PLCXD3: variants seen among roughly 807,000 people sequenced by gnomAD.
PLCXD3 encodes the protein PI-PLC X domain-containing protein 3.
A neutral mutation model predicts 25.5 loss-of-function variants in PLCXD3; 19 were observed. The observed-to-expected ratio is 0.75, with a 90% CI of 0.52 to 1.09. PLCXD3 has a LOEUF of 1.09. Among genes scored for constraint, PLCXD3 ranks in the 50% least tolerant of loss-of-function variants. The pLI is 0.00. For missense variants in PLCXD3, 411 were observed against 388.1 expected (o/e 1.06, Z -0.50); for synonymous variants, 174 against 137.6 (o/e 1.26, Z -1.85).
At chr5:41,447,765 A>G (rs1055803225) in intron 1 of PLCXD3, among the ~76,000 whole-genome samples, 6 of 152,200 alleles carry the variant, frequency 3.9e-5, no homozygotes, top group African/African-American at 1.4e-4. Flanking sequence ...TAAAGTTACA[A>G]TTTCTTCCTG....
chr5:41,406,683 G>A (rs1746361104), intron 1 of PLCXD3, among the ~76,000 whole-genome samples: 1 of 151,960 alleles, frequency 6.6e-6, no homozygotes, highest in South Asian at 2.1e-4. Context: ...CTTCCTGTGG[G>A]GGCCACTGAA....
chr5:41,463,472 T>A (rs572416747), intron 1 of PLCXD3, among the ~76,000 whole-genome samples: 4 of 152,098 alleles, frequency 2.6e-5, no homozygotes, highest in African/African-American at 9.6e-5. Flanking sequence ...TTTACTACCA[T>A]CACATTGAGT....
At chr5:41,504,843 C>T (rs1387682089) in intron 1 of PLCXD3, among the ~76,000 whole-genome samples, 1 of 152,136 alleles carries the variant, frequency 6.6e-6, no homozygotes, top group Non-Finnish European at 1.5e-5. Flanking sequence ...AGAATCCATC[C>T]AGATTTTTAG....
chr5:41,361,675 G>A (rs1203412761), intron 2 of PLCXD3, among the ~76,000 whole-genome samples: 1 of 152,154 alleles, frequency 6.6e-6, no homozygotes, highest in Non-Finnish European at 1.5e-5. Context: ...ATAAAAGGAT[G>A]AATAAATGAA....
At chr5:41,496,284 G>A (rs1161989222) in intron 1 of PLCXD3, among the ~76,000 whole-genome samples, 1 of 151,760 alleles carries the variant, frequency 6.6e-6, no homozygotes, top group Non-Finnish European at 1.5e-5. Context: ...GAGAAACAAA[G>A]GGGAAAGAAA....
intron 1 of PLCXD3, among the ~76,000 whole-genome samples, chr5:41,403,401 G>GTTTGTTTGTTTTTTTTTT (rs1554047951): frequency 1.1e-4 from 2 of 18,412 alleles, no homozygotes. Context: ...CTTATTTGTT[G>GTTTGTTTGTTTTTTTTTT]TTTTTTTTTT....
chr5:41,473,116 T>C (rs1264919033), intron 1 of PLCXD3, among the ~76,000 whole-genome samples: 1 of 152,166 alleles, frequency 6.6e-6, no homozygotes, highest in African/African-American at 2.4e-5. Flanking sequence ...TAAAGAAATA[T>C]TCTTGGTGGT....
chr5:41,427,279 C>T (rs960105840), intron 1 of PLCXD3, among the ~76,000 whole-genome samples: 3 of 152,134 alleles, frequency 2.0e-5, no homozygotes, highest in African/African-American at 7.2e-5. Flanking sequence ...TGTATTCCAT[C>T]CCTTTCCCTC....
At chr5:41,486,929 A>G (rs1205798619) in intron 1 of PLCXD3, among the ~76,000 whole-genome samples, 2 of 152,164 alleles carry the variant, frequency 1.3e-5, no homozygotes, top group Non-Finnish European at 2.9e-5. Flanking sequence ...TGACCATGGC[A>G]TGAATCCCCC....
intron 1 of PLCXD3, among the ~76,000 whole-genome samples, chr5:41,508,767 T>C (rs1233200405): frequency 6.6e-6 from 1 of 152,216 alleles, no homozygotes; most frequent in Admixed American, 6.5e-5. Context: ...GGAAACCATG[T>C]GAAAGAAGCT....
chr5:41,463,947 C>T (rs1747951963), intron 1 of PLCXD3, among the ~76,000 whole-genome samples: 1 of 151,926 alleles, frequency 6.6e-6, no homozygotes, highest in South Asian at 2.1e-4. Flanking sequence ...CATAACAGCA[C>T]TTTTTAATGT....
At chr5:41,468,353 A>C (rs765983840) in intron 1 of PLCXD3, among the ~76,000 whole-genome samples, 4 of 152,064 alleles carry the variant, frequency 2.6e-5, no homozygotes, top group Non-Finnish European at 4.4e-5. Flanking sequence ...TGGTTTGGCT[A>C]TATGGGTTTT....
intron 1 of PLCXD3, among the ~76,000 whole-genome samples, chr5:41,463,705 A>G (rs1433982760): frequency 6.6e-6 from 1 of 151,894 alleles, no homozygotes; most frequent in Non-Finnish European, 1.5e-5. Flanking sequence ...AATTACCATA[A>G]TATAAGGGCT....
chr5:41,431,548 T>C (rs990318159), intron 1 of PLCXD3, among the ~76,000 whole-genome samples: 1 of 152,212 alleles, frequency 6.6e-6, no homozygotes, highest in Non-Finnish European at 1.5e-5. Flanking sequence ...CAGCATGAAT[T>C]GGGAGGGAAA....
chr5:41,469,303 T>C (rs1459947247), intron 1 of PLCXD3, among the ~76,000 whole-genome samples: 5 of 152,180 alleles, frequency 3.3e-5, no homozygotes, highest in Non-Finnish European at 7.4e-5. Flanking sequence ...GATTTTTGTT[T>C]CTACATTTAT....
intron 1 of PLCXD3, among the ~76,000 whole-genome samples, chr5:41,453,467 T>C (rs1747682774): frequency 6.6e-6 from 1 of 151,882 alleles, no homozygotes. Context: ...TTTGCTTCTG[T>C]TTTATGATAC....
chr5:41,505,005 A>G (rs1471084635), intron 1 of PLCXD3, among the ~76,000 whole-genome samples: 1 of 152,164 alleles, frequency 6.6e-6, no homozygotes, highest in Non-Finnish European at 1.5e-5. Flanking sequence ...CCTCATAAAT[A>G]TTCCCTATTT....
At chr5:41,491,759 C>T (rs889594962) in intron 1 of PLCXD3, among the ~76,000 whole-genome samples, 2 of 151,998 alleles carry the variant, frequency 1.3e-5, no homozygotes, top group African/African-American at 4.8e-5. Flanking sequence ...ATTGCAACCC[C>T]TGCCTTTTTT....
In PLCXD3 at chr5:41,340,411, G is replaced by A. The variant is rs146072722; in HGVS notation, c.813-26641C>T. Among the ~76,000 whole-genome samples the A allele has an allele frequency of 1.3e-3, 198 of 152,224 alleles. 2 individuals carry two copies. The highest frequency in any genetic ancestry group is 4.3e-3 in the African/African-American group (180 of 41,538). On this transcript the variant is annotated intron_variant, in intron 2 of 2. Coordinates refer to ENST00000377801, the MANE Select transcript of PLCXD3 (RefSeq NM_001005473.3). ...TGTAAAAATAAATGGAATGCCATGC[G>A]TTCTCAGTTTCTCTGCCCTAGACCA...
Sources: allele counts gnomAD v4.1 joint callset (sites outside exome capture counted in the v4.1 genomes callset), GRCh38; gene constraint gnomAD v4.1.1; transcripts MANE v1.5; gene names NCBI Gene and HGNC (gene_info 2026-07-23, HGNC 2026-07-21).